Variants in BTBD8 observed in about 807,000 individuals in gnomAD.
BTBD8 encodes BTB domain containing 8.
BTBD8 carries 110 observed loss-of-function variants against 162.9 expected under a neutral mutation model. The observed-to-expected ratio is 0.68, with a 90% CI of 0.58 to 0.79. BTBD8 has a LOEUF of 0.79. Among genes scored for constraint, BTBD8 ranks in the 30% least tolerant of loss-of-function variants. BTBD8 has a pLI of 0.00. For missense variants in BTBD8, 1,905 were observed against 2,085.4 expected, an observed-to-expected ratio of 0.91 and a Z score of 1.68; for synonymous variants, 667 against 716.1, an observed-to-expected ratio of 0.93 and a Z score of 1.10.
chr1:92,181,619 T>A lies in BTBD8; in HGVS notation c.3936T>A (p.Ile1312=). 1.3e-6 allele frequency: 2 copies of A among 1,550,944 alleles called. No homozygotes were observed. The highest frequency in any genetic ancestry group is 1.7e-6 in the Non-Finnish European group (2 of 1,146,534). ...SDTSTPEELK[I]YDSNLRIEVK... Reference sequence around the variant, plus strand: ...CCAGTACTCCTGAAGAATTAAAAATTTATGATAGTAATTTAAGAATTGAAG... The same window carrying A: ...CCAGTACTCCTGAAGAATTAAAAATATATGATAGTAATTTAAGAATTGAAG... The change falls in exon 17 of 18, where the codon ATT becomes ATA. Residue 1312 remains isoleucine, a synonymous_variant. Transcript: ENST00000636805.
chr1:92,147,857 C>T, intron 9 of BTBD8, 71 bp downstream of exon 9: 1 of 1,261,948 alleles, frequency 7.9e-7, no homozygotes, highest in Non-Finnish European at 1.1e-6. Context: ...ATAGTACTTT[C>T]AGTGGTTGAA....
chr1:92,168,737 A>T (rs1385143417), intron 11 of BTBD8, 129 bp from the exon 12 acceptor site: 13 of 872,646 alleles, frequency 1.5e-5, no homozygotes, highest in Non-Finnish European at 1.9e-5. Flanking sequence ...CATGTACCCA[A>T]CGATCTTAAA....
chr1:92,110,347 C>T (rs1393400407), intron 4 of BTBD8, among the ~76,000 whole-genome samples: 2 of 152,174 alleles, frequency 1.3e-5, no homozygotes, highest in Admixed American at 6.5e-5. Flanking sequence ...ATTCATTCTG[C>T]GTTTCAGCAT....
intron 1 of BTBD8, among the ~76,000 whole-genome samples, chr1:92,080,968 G>A (rs542599045): frequency 1.1e-4 from 17 of 152,306 alleles, no homozygotes; most frequent in Admixed American, 7.8e-4. Flanking sequence ...AAGCTTAGTC[G>A]TGTGCAGCAC....
intron 4 of BTBD8, chr1:92,115,442 G>A: frequency 2.0e-6 from 1 of 491,240 alleles, no homozygotes; most frequent in Non-Finnish European, 4.0e-6. Context: ...AGGGGGCAGA[G>A]GTAATGACCC....
At chr1:92,113,414 C>A (rs565701124) in intron 4 of BTBD8, among the ~76,000 whole-genome samples, 238 of 152,318 alleles carry the variant, frequency 1.6e-3, no homozygotes, top group African/African-American at 5.5e-3. Flanking sequence ...CCAGAGAAAA[C>A]AGAGCTGCTA....
intron 9 of BTBD8, among the ~76,000 whole-genome samples, chr1:92,151,402 G>C (rs1297122962): frequency 6.6e-6 from 1 of 151,834 alleles, no homozygotes; most frequent in Non-Finnish European, 1.5e-5. Context: ...GCTAATGAAG[G>C]ACTGTGTTGT....
At chr1:92,115,188 G>A (rs1649000463) in intron 4 of BTBD8, 4 of 535,360 alleles carry the variant, frequency 7.5e-6, no homozygotes, top group African/African-American at 1.9e-5. Context: ...TAGATGCAGG[G>A]ATGATGTTCT....
At chr1:92,162,488 A>G (rs1650293136) in intron 9 of BTBD8, among the ~76,000 whole-genome samples, 1 of 152,224 alleles carries the variant, frequency 6.6e-6, no homozygotes, top group African/African-American at 2.4e-5. Context: ...AGTTGCCTAC[A>G]ATAGTGAATT....
In BTBD8 at chr1:92,181,593, A is replaced by G; in HGVS notation, c.3910A>G (p.Thr1304Ala). 6.4e-7 allele frequency: 1 copy of G among 1,551,552 alleles called. No homozygotes were observed. Among genetic ancestry groups the G allele is most frequent in the Non-Finnish European group, 8.7e-7 (1 of 1,146,816 alleles). ...HDFLGRSSSD[T>A]STPEELKIYD... is the part of the protein sequence containing the mutation. The stretch of plus-strand genomic sequence containing the variant: ...TTTTCTTGGAAGAAGTAGCAGTGAT[A>G]CCAGTACTCCTGAAGAATTAAAAAT... Residue 1304 changes from threonine (T) to alanine (A), a missense_variant, in exon 17 of 18, where the codon ACC (threonine) becomes GCC (alanine). By Grantham distance (58) the Thr-to-Ala change is moderately conservative (BLOSUM62 0). This residue lies in a region of BTBD8 where 517 missense variants were observed against 606.6 expected (regional missense o/e 0.85). Coordinates refer to ENST00000636805, the MANE Select transcript of BTBD8 (RefSeq NM_001376131.1).
intron 7 of BTBD8, among the ~76,000 whole-genome samples, chr1:92,144,378 C>A (rs949950437): frequency 4.6e-5 from 7 of 152,076 alleles, no homozygotes; most frequent in Non-Finnish European, 8.8e-5. Context: ...GGGCAGTCGG[C>A]CCCAGAACTC....
intron 4 of BTBD8, among the ~76,000 whole-genome samples, chr1:92,121,793 C>A (rs918544024): frequency 2.0e-5 from 3 of 151,954 alleles, no homozygotes; most frequent in African/African-American, 7.3e-5. Flanking sequence ...CATCTGTATA[C>A]CTCTTTGGTT....
chr1:92,080,853 C>A (rs1376449669), intron 1 of BTBD8, 133 bp downstream of exon 1: 12 of 1,387,854 alleles, frequency 8.6e-6, no homozygotes, highest in South Asian at 5.4e-5. Context: ...GACTGCGGGT[C>A]GTTAGCCAGT....
intron 1 of BTBD8, among the ~76,000 whole-genome samples, chr1:92,087,792 A>G (rs1393688187): frequency 1.3e-5 from 2 of 152,112 alleles, no homozygotes; most frequent in East Asian, 3.9e-4. Context: ...AGTTACTTGT[A>G]CCTCCTGTAG....
chr1:92,107,165 G>A (rs1648755892), intron 3 of BTBD8, among the ~76,000 whole-genome samples: 1 of 151,994 alleles, frequency 6.6e-6, no homozygotes, highest in Non-Finnish European at 1.5e-5. Context: ...AGACCCACAA[G>A]AAGAAACATA....
At chr1:92,138,083 T>C (rs1172285046) in intron 5 of BTBD8, among the ~76,000 whole-genome samples, 4 of 152,124 alleles carry the variant, frequency 2.6e-5, no homozygotes, top group Non-Finnish European at 4.4e-5. Flanking sequence ...TCAAGGCAGG[T>C]TGTTTCAGCA....
At chr1:92,100,619 A>G (rs982058749) in intron 2 of BTBD8, among the ~76,000 whole-genome samples, 4 of 151,556 alleles carry the variant, frequency 2.6e-5, no homozygotes, top group African/African-American at 9.7e-5. Flanking sequence ...TATTATTATT[A>G]TTATTTTTGA....
intron 7 of BTBD8, among the ~76,000 whole-genome samples, chr1:92,142,147 G>T (rs975115228): frequency 6.6e-6 from 1 of 152,126 alleles, no homozygotes; most frequent in African/African-American, 2.4e-5. Flanking sequence ...TTCCTTTAAC[G>T]AACCATTCAC....
At chr1:92,103,384 C>T (rs537446231) in intron 3 of BTBD8, among the ~76,000 whole-genome samples, 116 of 152,216 alleles carry the variant, frequency 7.6e-4, no homozygotes, top group African/African-American at 2.7e-3. Flanking sequence ...TGAGGTAGAT[C>T]ATTCATATGC....
Sources: gnomAD v4.1 joint callset for allele counts (sites outside exome capture counted in the v4.1 genomes callset) on GRCh38, gnomAD v4.1.1 for gene constraint, gnomAD v4.1.1 regional missense constraint, MANE v1.5 for transcripts, NCBI Gene and HGNC (gene_info 2026-07-23, HGNC 2026-07-21) for gene names.